Variants in STON1 observed in about 807,000 individuals in gnomAD.
STON1 encodes stonin 1, also known as stonin-1.
In STON1, 79 loss-of-function variants were observed where a neutral mutation model predicts 60.9. That is an observed-to-expected ratio of 1.30 (90% CI 1.08 to 1.56). The LOEUF is 1.56. Among genes scored for constraint, STON1 ranks in the 40% most tolerant of loss-of-function variants. The pLI, the probability that STON1 is intolerant of heterozygous loss-of-function variation, is 0.00. For missense variants in STON1, 1,166 were observed against 858.9 expected (o/e 1.36, Z -4.47); for synonymous variants, 363 against 306.9 (o/e 1.18, Z -1.91).
chr2:48,535,737 G>A (rs571726035), intron 1 of STON1, among the ~76,000 whole-genome samples: 3 of 151,908 alleles, frequency 2.0e-5, no homozygotes, highest in Non-Finnish European at 4.4e-5. Context: ...GGTATGTCTA[G>A]GTATGGATTT....
At chr2:48,551,270 T>C (rs1485290444) in intron 1 of STON1, among the ~76,000 whole-genome samples, 1 of 152,102 alleles carries the variant, frequency 6.6e-6, no homozygotes, top group Non-Finnish European at 1.5e-5. Context: ...GTAAATTTGT[T>C]ATGGGTGAGA....
At chr2:48,550,633 G>A (rs1024492087) in intron 1 of STON1, among the ~76,000 whole-genome samples, 14 of 150,196 alleles carry the variant, frequency 9.3e-5, no homozygotes, top group African/African-American at 3.4e-4. Context: ...CCAAACCATG[G>A]GAATATGTAA....
intron 1 of STON1, among the ~76,000 whole-genome samples, chr2:48,571,195 T>G (rs1022462092): frequency 2.0e-5 from 3 of 152,190 alleles, no homozygotes; most frequent in African/African-American, 7.2e-5. Context: ...TCTAGGAGTT[T>G]GCAGGGTATT....
At chr2:48,553,859 T>C (rs554874453) in intron 1 of STON1, among the ~76,000 whole-genome samples, 1 of 152,314 alleles carries the variant, frequency 6.6e-6, no homozygotes, top group Non-Finnish European at 1.5e-5. Context: ...AACTGCTTGA[T>C]AGCAGTGACT....
intron 2 of STON1, among the ~76,000 whole-genome samples, chr2:48,590,267 T>A (rs1468206847): frequency 6.6e-6 from 1 of 152,238 alleles, no homozygotes; most frequent in South Asian, 2.1e-4. Flanking sequence ...AGATGGCTAA[T>A]GAGCATCTGT....
At chr2:48,565,588 G>T (rs867732856) in intron 1 of STON1, among the ~76,000 whole-genome samples, 1 of 152,170 alleles carries the variant, frequency 6.6e-6, no homozygotes, top group African/African-American at 2.4e-5. Context: ...CAGAATACAG[G>T]CATGGTCATA....
At chr2:48,549,181 T>C (rs1671988390) in intron 1 of STON1, among the ~76,000 whole-genome samples, 1 of 152,172 alleles carries the variant, frequency 6.6e-6, no homozygotes, top group Non-Finnish European at 1.5e-5. Flanking sequence ...ATAGACTCAG[T>C]AAGACCACAC....
In STON1 at chr2:48,564,691, C is replaced by T. The variant is rs553898746; in HGVS notation, c.-47-15896C>T. On this transcript the variant is annotated intron_variant, in intron 1 of 3. Coordinates refer to ENST00000404752, the MANE Select transcript of STON1 (RefSeq NM_006873.4). The stretch of plus-strand genomic sequence containing the variant: ...TTCTTCTTCTTCTTCTTCCTTCTTT[C>T]TTCTTCTTCTTCTTCCTTATTTCTT... Among the ~76,000 whole-genome samples the T allele has an allele frequency of 7.5e-4, 105 of 139,880 alleles. 2 individuals are homozygous for T. Among genetic ancestry groups the T allele is most frequent in the Non-Finnish European group, 1.4e-3 (91 of 65,156 alleles). The allele number at this position is 139,880 out of a possible 152,430, so 91.8% of individuals were successfully genotyped here.
At chr2:48,554,679 G>A (rs1229816616) in intron 1 of STON1, among the ~76,000 whole-genome samples, 2 of 150,484 alleles carry the variant, frequency 1.3e-5, no homozygotes, top group African/African-American at 4.9e-5. Flanking sequence ...TCCCACGTAT[G>A]CGTTTCTACT....
intron 1 of STON1, among the ~76,000 whole-genome samples, chr2:48,559,785 C>G: frequency 6.6e-6 from 1 of 152,146 alleles, no homozygotes; most frequent in African/African-American, 2.4e-5. Flanking sequence ...ACTCAGAACC[C>G]AGCACTTAGG....
intron 1 of STON1, among the ~76,000 whole-genome samples, chr2:48,546,052 G>A (rs559913163): frequency 6.6e-6 from 1 of 152,320 alleles, no homozygotes; most frequent in South Asian, 2.1e-4. Flanking sequence ...TAGGGGCAGA[G>A]TTGTCAGGTT....
intron 1 of STON1, among the ~76,000 whole-genome samples, chr2:48,570,570 A>G (rs1673151890): frequency 6.6e-6 from 1 of 152,160 alleles, no homozygotes; most frequent in Non-Finnish European, 1.5e-5. Context: ...CATTTGTCAC[A>G]CATATTGAGG....
At chr2:48,576,911 G>A (rs951112367) in intron 1 of STON1, among the ~76,000 whole-genome samples, 2 of 151,958 alleles carry the variant, frequency 1.3e-5, no homozygotes, top group Admixed American at 6.6e-5. Context: ...AAAATTAGCC[G>A]GGCGCGGTGG....
rs149746805 is a variant in STON1 at position 48,589,106 on chromosome 2, C to CTAGG, written c.1931-2545_1931-2544insGGTA. Among the ~76,000 whole-genome samples, 1,105 of 152,266 alleles carry CTAGG rather than the reference C, an allele frequency of 7.3e-3. 15 individuals are homozygous for CTAGG. The highest frequency in any genetic ancestry group is 0.026 in the African/African-American group (1,079 of 41,544). ...GAGGAGCAATTAAATATATCTACCT[C>CTAGG]TAACTTCCCAATTTTTCGACTTTTC... On this transcript the variant is annotated intron_variant, in intron 2 of 3. Coordinates refer to ENST00000404752, the MANE Select transcript of STON1 (RefSeq NM_006873.4).
intron 1 of STON1, among the ~76,000 whole-genome samples, chr2:48,578,334 G>A (rs745571379): frequency 1.4e-4 from 22 of 152,198 alleles, no homozygotes; most frequent in Non-Finnish European, 2.8e-4. Context: ...CTTGTCCAAC[G>A]TGCAGCCCAC....
At chr2:48,567,631 G>T (rs1179228795) in intron 1 of STON1, among the ~76,000 whole-genome samples, 3 of 152,110 alleles carry the variant, frequency 2.0e-5, no homozygotes, top group Non-Finnish European at 4.4e-5. Flanking sequence ...TCGGACTCCT[G>T]ACCTCAGGTG....
At position 48,581,235 on chromosome 2, in the gene STON1, C is replaced by G; in HGVS notation, c.602C>G (p.Pro201Arg). ...GSDSHFTLDP[P>R]GSKKMFSSRN... ...GATTCCCATTTCACCCTTGACCCAC[C>G]AGGAAGCAAAAAGATGTTCTCATCA... is the stretch of plus-strand genomic sequence containing the variant. The change falls in exon 2 of 4, where the codon CCA (proline) becomes CGA (arginine). Residue 201 changes from proline to arginine, a missense_variant. Physicochemically the swap from Pro to Arg is moderately radical, Grantham distance 103 (BLOSUM62 -2). Coordinates refer to ENST00000404752, the MANE Select transcript of STON1 (RefSeq NM_006873.4). 6.6e-7 allele frequency: 1 copy of G among 1,516,562 alleles called. No homozygotes were observed. The allele number at this position is 1,516,562 out of a possible 1,614,324, so 93.9% of individuals were successfully genotyped here. A position where few individuals can be genotyped will look rare whatever the true frequency, so the allele number is the denominator to read the frequency against.
Position 48,595,403 on chromosome 2 carries a change from G to T in STON1, c.*101G>T. ...GTAGAGTGGAAATGACTTCTGAATA[G>T]CGGTTTTAGGACAGGTCTGATGGCT... On this transcript the variant is annotated 3_prime_UTR_variant, in exon 4 of 4. Coordinates refer to ENST00000404752, the MANE Select transcript of STON1 (RefSeq NM_006873.4). The T allele has an allele frequency of 1.0e-6, 1 of 1,000,754 alleles. No homozygotes were observed. The highest frequency in any genetic ancestry group is 1.5e-6 in the Non-Finnish European group (1 of 655,104). The allele number at this position is 1,000,754 out of a possible 1,614,324, so 62.0% of individuals were successfully genotyped here. A position where few individuals can be genotyped will look rare whatever the true frequency, so the allele number is the denominator to read the frequency against.
rs1672981815 is a variant in STON1, at chr2:48,567,098, G to A, written c.-47-13489G>A. Among the ~76,000 whole-genome samples, 3 of 152,322 alleles carry A rather than the reference G, an allele frequency of 2.0e-5. No individual in the cohort carries two copies. In the South Asian group the frequency reaches 6.2e-4, roughly 32 times the overall value. On this transcript the variant is annotated intron_variant, in intron 1 of 3. Coordinates refer to ENST00000404752, the MANE Select transcript of STON1 (RefSeq NM_006873.4). ...GGGAGGGGCAGTGTTAGGGAATTGA[G>A]CTGGAACCAGCACTGACAATATTTG...
Sources: gnomAD v4.1 joint callset for allele counts (sites outside exome capture counted in the v4.1 genomes callset) on GRCh38, gnomAD v4.1.1 for gene constraint, MANE v1.5 for transcripts, NCBI Gene and HGNC (gene_info 2026-07-23, HGNC 2026-07-21) for gene names.